RAB30: variants seen among roughly 807,000 people sequenced by gnomAD.
RAB30 encodes the protein ras-related protein Rab-30.
A neutral mutation model predicts 25.1 loss-of-function variants in RAB30; 9 were observed. The ratio of observed to expected loss-of-function variants is 0.36; its 90% CI spans 0.22 to 0.63. The LOEUF (loss-of-function observed/expected upper bound fraction) is 0.63. Ranked by LOEUF, RAB30 falls within the 20% of genes least tolerant of loss-of-function variation. RAB30 has a pLI of 0.69. For missense variants in RAB30, 140 were observed against 243.5 expected, an observed-to-expected ratio of 0.58 and a Z score of 2.83; for synonymous variants, 77 against 86.4, an observed-to-expected ratio of 0.89 and a Z score of 0.60.
chr11:83,041,557 C>T (rs991479850), intron 1 of RAB30: 1 of 182,560 alleles, frequency 5.5e-6, no homozygotes, highest in South Asian at 1.3e-4. Flanking sequence ...GAACACCAGG[C>T]CCCAAAGAGG....
At chr11:83,003,176 G>A (rs958193388) in intron 1 of RAB30, among the ~76,000 whole-genome samples, 5 of 152,116 alleles carry the variant, frequency 3.3e-5, no homozygotes, top group Admixed American at 1.3e-4. Context: ...CATAAAATGG[G>A]GATGATATTA....
chr11:83,030,699 AG>A (rs1330110740), intron 1 of RAB30, among the ~76,000 whole-genome samples: 1 of 151,824 alleles, frequency 6.6e-6, no homozygotes, highest in Non-Finnish European at 1.5e-5. Flanking sequence ...CAGGAGGCTG[AG>A]GCAGGAGAAT....
chr11:82,977,094 C>T lies in RAB30; in HGVS notation c.*5071G>A, dbSNP rs1296889977. 2 of 152,162 alleles carry T rather than the reference C, an allele frequency of 1.3e-5. No individual in the cohort carries two copies. Among genetic ancestry groups the T allele is most frequent in the Admixed American group, 6.5e-5 (1 of 15,274 alleles). The allele number at this position is 152,162 out of a possible 1,614,324, so 9.4% of individuals were successfully genotyped here. A position where few individuals can be genotyped will look rare whatever the true frequency, so the allele number is the denominator to read the frequency against. ...TTCTGCTCTGTTAAAAAGGCCTATC[C>T]TAAAATCTTGAAAGAGACACCCATT... On this transcript the variant is annotated 3_prime_UTR_variant, in exon 5 of 5. Transcript: ENST00000527633.
intron 2 of RAB30, 88 bp downstream of exon 2, chr11:82,997,136 C>T (rs991412404): frequency 9.3e-7 from 1 of 1,069,588 alleles, no homozygotes; most frequent in East Asian, 2.4e-5. Context: ...TGAAACTGGT[C>T]ATCCATCTCG....
At chr11:83,028,824 C>T (rs938766522) in intron 1 of RAB30, among the ~76,000 whole-genome samples, 6 of 152,152 alleles carry the variant, frequency 3.9e-5, no homozygotes, top group South Asian at 2.1e-4. Flanking sequence ...ATTGCTTAAG[C>T]GCAGCAGTTT....
intron 1 of RAB30, among the ~76,000 whole-genome samples, chr11:83,025,903 A>G (rs1192571547): frequency 6.6e-6 from 1 of 152,176 alleles, no homozygotes; most frequent in African/African-American, 2.4e-5. Context: ...AGATATAGAT[A>G]CAAGGCCAGG....
chr11:83,060,432 A>G (rs1158586468), intron 1 of RAB30, among the ~76,000 whole-genome samples: 1 of 152,202 alleles, frequency 6.6e-6, no homozygotes, highest in East Asian at 1.9e-4. Context: ...ATTAATTACA[A>G]AGGGAAAAGG....
intron 1 of RAB30, among the ~76,000 whole-genome samples, chr11:83,022,106 T>C (rs1857592597): frequency 6.6e-6 from 1 of 152,094 alleles, no homozygotes; most frequent in Non-Finnish European, 1.5e-5. Context: ...CTGGTACCAG[T>C]TGAACTGCAT....
At chr11:83,062,700 G>C (rs1043880861) in intron 1 of RAB30, among the ~76,000 whole-genome samples, 1 of 152,106 alleles carries the variant, frequency 6.6e-6, no homozygotes, top group Non-Finnish European at 1.5e-5. Context: ...CCATTTTATA[G>C]ATAAAGAAAC....
intron 1 of RAB30, among the ~76,000 whole-genome samples, chr11:83,042,149 A>G (rs997816022): frequency 4.6e-5 from 7 of 152,188 alleles, no homozygotes; most frequent in African/African-American, 1.7e-4. Flanking sequence ...AACACGCCTT[A>G]CCATTCTTTT....
intron 1 of RAB30, among the ~76,000 whole-genome samples, chr11:83,013,625 A>G (rs1857352328): frequency 6.6e-6 from 1 of 152,240 alleles, no homozygotes; most frequent in South Asian, 2.1e-4. Context: ...AAGGAGAGTT[A>G]ATTGGCAAAG....
intron 3 of RAB30, among the ~76,000 whole-genome samples, chr11:82,991,959 A>G (rs567339547): frequency 6.6e-6 from 1 of 152,334 alleles, no homozygotes; most frequent in South Asian, 2.1e-4. Flanking sequence ...GGAATTCAGG[A>G]AAGAAAAATA....
intron 2 of RAB30, 114 bp downstream of exon 2, chr11:82,997,110 G>T: frequency 2.4e-6 from 2 of 850,994 alleles, no homozygotes; most frequent in Non-Finnish European, 3.8e-6. Context: ...GGAACTCACA[G>T]CTAAGACCCT....
intron 1 of RAB30, among the ~76,000 whole-genome samples, chr11:83,017,852 G>T (rs945133403): frequency 2.0e-5 from 3 of 152,184 alleles, no homozygotes; most frequent in African/African-American, 7.2e-5. Flanking sequence ...GTGTGCAAGT[G>T]TCTTTTTCAT....
At chr11:83,066,198 C>T (rs148216398) in intron 1 of RAB30, among the ~76,000 whole-genome samples, 72 of 152,304 alleles carry the variant, frequency 4.7e-4, no homozygotes, top group African/African-American at 1.6e-3. Flanking sequence ...TAAATTATTA[C>T]ACTATTCTGA....
At chr11:83,046,725 C>A (rs1046931302) in intron 1 of RAB30, among the ~76,000 whole-genome samples, 1 of 152,104 alleles carries the variant, frequency 6.6e-6, no homozygotes, top group Non-Finnish European at 1.5e-5. Context: ...GAACTCCTGG[C>A]GTCAAGTGAA....
intron 3 of RAB30, among the ~76,000 whole-genome samples, chr11:82,991,506 C>CAAA (rs35298951): frequency 0.024 from 1,592 of 65,364 alleles, 50 homozygotes; most frequent in East Asian, 0.08. Flanking sequence ...GACCCTTTCT[C>CAAA]AAAAAAAAAA....
intron 1 of RAB30, among the ~76,000 whole-genome samples, chr11:83,002,527 G>GA (rs1378921905): frequency 6.6e-6 from 1 of 150,410 alleles, no homozygotes; most frequent in African/African-American, 2.4e-5. Context: ...TAAGCAAGAT[G>GA]AAAAAATGAA....
rs755087156 is a variant in RAB30 at position 83,044,516 on chromosome 11, A to AT, written c.-9+27174dup. On this transcript the variant is annotated intron_variant, in intron 1 of 4. Transcript: ENST00000527633. ...AAAAAACAGTAATCCAGGTAGGAAG[A>AT]TTTTTTTTTTAGAAATATCACTACA... is the stretch of plus-strand genomic sequence containing the variant. 2.0e-4 allele frequency among the ~76,000 whole-genome samples: 30 copies of AT among 150,500 alleles called. No homozygotes were observed. The South Asian group carries it at 4.4e-3, about 22-fold the overall frequency.
Sources: allele counts gnomAD v4.1 joint callset (sites outside exome capture counted in the v4.1 genomes callset), GRCh38; gene constraint gnomAD v4.1.1; transcripts MANE v1.5; gene names NCBI Gene and HGNC (gene_info 2026-07-23, HGNC 2026-07-21).